Variants in RBMS3 observed in about 807,000 individuals in gnomAD.
The protein encoded by RBMS3 is RNA-binding motif, single-stranded-interacting protein 3.
A neutral mutation model predicts 66.8 loss-of-function variants in RBMS3; 27 were observed. The ratio of observed to expected loss-of-function variants is 0.40; its 90% CI spans 0.30 to 0.56. The LOEUF is 0.56. Ranked by LOEUF, RBMS3 falls within the 20% of genes least tolerant of loss-of-function variation. RBMS3 has a pLI of 0.40. For missense variants in RBMS3, 513 were observed against 549.5 expected, an observed-to-expected ratio of 0.93 and a Z score of 0.66; for synonymous variants, 188 against 183.0, an observed-to-expected ratio of 1.03 and a Z score of -0.22.
At chr3:29,936,287 C>G (rs1411217092) in intron 11 of RBMS3, 91 bp downstream of exon 11, 2 of 1,199,000 alleles carry the variant, frequency 1.7e-6, no homozygotes, top group African/African-American at 1.5e-5. Context: ...GAAACTGTGT[C>G]TGTACCATAT....
At chr3:29,899,177 A>C (rs1271962025) in intron 9 of RBMS3, among the ~76,000 whole-genome samples, 1 of 151,730 alleles carries the variant, frequency 6.6e-6, no homozygotes, top group East Asian at 1.9e-4. Flanking sequence ...AAATAATTAC[A>C]AACTTGCTTA....
intron 8 of RBMS3, 140 bp from the exon 9 acceptor site, chr3:29,897,239 C>A: frequency 1.5e-6 from 1 of 672,548 alleles, no homozygotes; most frequent in Non-Finnish European, 2.6e-6. Flanking sequence ...TAATGTAAAT[C>A]TCCTAGACGT....
chr3:29,665,999 AC>A (rs2050738405), intron 4 of RBMS3, among the ~76,000 whole-genome samples: 1 of 151,860 alleles, frequency 6.6e-6, no homozygotes, highest in African/African-American at 2.4e-5. Flanking sequence ...CCCTCTCCTC[AC>A]CTTCTTGCTT....
intron 4 of RBMS3, among the ~76,000 whole-genome samples, chr3:29,658,541 C>T (rs1326696084): frequency 2.0e-5 from 3 of 152,142 alleles, no homozygotes; most frequent in Admixed American, 6.5e-5. Context: ...TGTAATCATT[C>T]GATTCCTGGC....
At chr3:29,680,309 G>T (rs575675734) in intron 4 of RBMS3, among the ~76,000 whole-genome samples, 70 of 152,160 alleles carry the variant, frequency 4.6e-4, no homozygotes, top group Non-Finnish European at 7.8e-4. Context: ...CAGAAGTGCT[G>T]GGTTAAGATA....
intron 4 of RBMS3, among the ~76,000 whole-genome samples, chr3:29,608,356 G>C (rs950390579): frequency 1.6e-4 from 25 of 152,006 alleles, no homozygotes; most frequent in African/African-American, 5.3e-4. Flanking sequence ...CTAGAAAAAT[G>C]ACTTAAAACT....
intron 2 of RBMS3, among the ~76,000 whole-genome samples, chr3:29,446,068 A>G (rs1280073432): frequency 1.3e-5 from 2 of 152,208 alleles, no homozygotes; most frequent in African/African-American, 4.8e-5. Flanking sequence ...ATATAATCAT[A>G]TTCTAAGAAG....
chr3:29,647,073 G>C (rs1480080773), intron 4 of RBMS3, among the ~76,000 whole-genome samples: 1 of 152,094 alleles, frequency 6.6e-6, no homozygotes, highest in Non-Finnish European at 1.5e-5. Context: ...CACCTCCCAG[G>C]TTCAAGTGAT....
At chr3:29,604,080 A>G (rs2048239246) in intron 4 of RBMS3, among the ~76,000 whole-genome samples, 1 of 152,002 alleles carries the variant, frequency 6.6e-6, no homozygotes, top group African/African-American at 2.4e-5. Flanking sequence ...GCTACAATAA[A>G]GAATTATTCG....
chr3:29,787,383 G>C (rs2056854992), intron 6 of RBMS3, among the ~76,000 whole-genome samples: 1 of 152,108 alleles, frequency 6.6e-6, no homozygotes, highest in African/African-American at 2.4e-5. Context: ...ACTTGCACAT[G>C]CCTGTTTATA....
chr3:29,782,418 C>T (rs1220393951), intron 6 of RBMS3, among the ~76,000 whole-genome samples: 3 of 152,188 alleles, frequency 2.0e-5, no homozygotes, highest in Non-Finnish European at 4.4e-5. Flanking sequence ...GTGGCTAGAT[C>T]CAGGAGAGCA....
At chr3:29,347,714 GGGA>G (rs1466132628) in intron 1 of RBMS3, among the ~76,000 whole-genome samples, 5 of 152,132 alleles carry the variant, frequency 3.3e-5, no homozygotes, top group Non-Finnish European at 5.9e-5. Flanking sequence ...GGTTTGTTTT[GGGA>G]GGAGTATAGG....
At chr3:29,423,248 C>T (rs1383731022) in intron 1 of RBMS3, among the ~76,000 whole-genome samples, 1 of 152,182 alleles carries the variant, frequency 6.6e-6, no homozygotes, top group Non-Finnish European at 1.5e-5. Context: ...TACTCTGTAC[C>T]TACAGCTAAT....
intron 3 of RBMS3, among the ~76,000 whole-genome samples, chr3:29,561,866 TTTC>T: frequency 6.6e-6 from 1 of 152,344 alleles, no homozygotes; most frequent in Admixed American, 6.5e-5. Flanking sequence ...GCCACATGTA[TTTC>T]TTCTTTTGAG....
At chr3:29,966,815 G>C (rs1696880715) in intron 12 of RBMS3, among the ~76,000 whole-genome samples, 1 of 152,144 alleles carries the variant, frequency 6.6e-6, no homozygotes, top group East Asian at 1.9e-4. Context: ...TCAGTGTTAT[G>C]TTGGCTCTGG....
At chr3:29,599,466 G>GAGTA (rs2048073553) in intron 4 of RBMS3, among the ~76,000 whole-genome samples, 1 of 151,764 alleles carries the variant, frequency 6.6e-6, no homozygotes, top group African/African-American at 2.4e-5. Context: ...ACATAACAGT[G>GAGTA]AGTACATCAT....
Position 29,944,254 on chromosome 3 carries a change from G to A in RBMS3, c.1098G>A (p.Gln366=), listed in dbSNP as rs1435585097. The part of the protein sequence containing the change: ...RIMILHQLLC[Q]YMTAAAPMQG... ...TGATACTCCACCAGCTGTTGTGTCA[G>A]GTAGGAAAATTCTAATTCTTTTAAG... Residue 366 remains glutamine, a splice_region_variant and synonymous_variant, in exon 12 of 15, where the codon CAG becomes CAA. Coordinates refer to ENST00000383767, the MANE Select transcript of RBMS3 (RefSeq NM_001003793.3). 1.9e-6 allele frequency: 3 copies of A among 1,586,488 alleles called. No individual in the cohort carries two copies. Among genetic ancestry groups the A allele is most frequent in the Non-Finnish European group, 2.6e-6 (3 of 1,155,908 alleles).
chr3:29,478,511 A>G (rs2043025186), intron 2 of RBMS3, among the ~76,000 whole-genome samples: 2 of 152,280 alleles, frequency 1.3e-5, no homozygotes, highest in South Asian at 4.1e-4. Context: ...TCCTAACACC[A>G]TCATATTAGT....
intron 10 of RBMS3, among the ~76,000 whole-genome samples, chr3:29,903,992 G>T (rs1559785851): frequency 1.3e-5 from 2 of 151,936 alleles, no homozygotes; most frequent in Non-Finnish European, 2.9e-5. Flanking sequence ...GTCATTCTTT[G>T]CCCTTAAACA....
Sources: gnomAD v4.1 joint callset for allele counts (sites outside exome capture counted in the v4.1 genomes callset) on GRCh38, gnomAD v4.1.1 for gene constraint, MANE v1.5 for transcripts, NCBI Gene and HGNC (gene_info 2026-07-23, HGNC 2026-07-21) for gene names.